CNTNAP5: variants seen among roughly 807,000 people sequenced by gnomAD.
CNTNAP5 encodes contactin-associated protein-like 5.
CNTNAP5 carries 72 observed loss-of-function variants against 150.2 expected under a neutral mutation model. The observed-to-expected ratio is 0.48, with a 90% CI of 0.40 to 0.58. The LOEUF is 0.58. Ranked by LOEUF, CNTNAP5 falls within the 20% of genes least tolerant of loss-of-function variation. CNTNAP5 has a pLI of 0.00. For missense variants in CNTNAP5, 1,636 were observed against 1,626.2 expected, an observed-to-expected ratio of 1.01 and a Z score of -0.10; for synonymous variants, 672 against 619.8, an observed-to-expected ratio of 1.08 and a Z score of -1.25.
intron 1 of CNTNAP5, among the ~76,000 whole-genome samples, chr2:124,196,404 C>T (rs1283464974): frequency 4.6e-5 from 7 of 152,128 alleles, no homozygotes; most frequent in Admixed American, 3.9e-4. Context: ...GGGTTAAATG[C>T]CCAATTTCAA....
At chr2:124,297,843 ATTAT>A (rs1203414122) in intron 3 of CNTNAP5, among the ~76,000 whole-genome samples, 1 of 113,684 alleles carries the variant, frequency 8.8e-6, no homozygotes, top group African/African-American at 3.2e-5. Flanking sequence ...TATTATTATT[ATTAT>A]TATTATTATT....
intron 19 of CNTNAP5, among the ~76,000 whole-genome samples, chr2:124,805,407 A>C (rs1446209505): frequency 1.3e-5 from 2 of 152,136 alleles, no homozygotes; most frequent in Non-Finnish European, 2.9e-5. Flanking sequence ...CTGCAGTGCT[A>C]GTCCTTGCAC....
At chr2:124,706,789 AAGAAGAAGGAGGAGGAGG>A (rs1679654911) in intron 13 of CNTNAP5, among the ~76,000 whole-genome samples, 1 of 31,002 alleles carries the variant, frequency 3.2e-5, no homozygotes, top group African/African-American at 1.1e-4. Context: ...GAAGAAGAAG[AAGAAGAAGGAGGAGGAGG>A]AGGAGGAGGA....
At chr2:124,247,957 A>G (rs1320456179) in intron 3 of CNTNAP5, among the ~76,000 whole-genome samples, 1 of 152,208 alleles carries the variant, frequency 6.6e-6, no homozygotes, top group Non-Finnish European at 1.5e-5. Flanking sequence ...TCACGCACAT[A>G]TACTAATAAG....
At chr2:124,430,308 G>A (rs897874546) in intron 4 of CNTNAP5, among the ~76,000 whole-genome samples, 2 of 152,096 alleles carry the variant, frequency 1.3e-5, no homozygotes, top group East Asian at 1.9e-4. Context: ...TCTTTGTGCC[G>A]TGTTTGTCTT....
intron 3 of CNTNAP5, among the ~76,000 whole-genome samples, chr2:124,350,000 T>C (rs12466478): frequency 0.3 from 43,977 of 147,424 alleles, 6,424 homozygotes; most frequent in Middle Eastern, 0.38. Flanking sequence ...TTCTCCTGCC[T>C]CAGCCTTCCA....
At chr2:124,490,880 T>A (rs939978271) in intron 7 of CNTNAP5, among the ~76,000 whole-genome samples, 1 of 152,152 alleles carries the variant, frequency 6.6e-6, no homozygotes, top group Non-Finnish European at 1.5e-5. Context: ...AAATTTTTTT[T>A]AAATACTGCT....
intron 19 of CNTNAP5, among the ~76,000 whole-genome samples, chr2:124,847,356 C>A (rs1439129419): frequency 1.3e-5 from 2 of 152,076 alleles, no homozygotes; most frequent in East Asian, 3.9e-4. Context: ...ATTATGGCTA[C>A]CTCTGCTGAA....
intron 6 of CNTNAP5, among the ~76,000 whole-genome samples, chr2:124,457,346 C>G (rs1424090328): frequency 1.3e-5 from 2 of 152,202 alleles, no homozygotes; most frequent in Non-Finnish European, 2.9e-5. Context: ...AAGGAACAGT[C>G]AGCAGAATAA....
At chr2:124,416,649 T>C (rs1027766486) in intron 3 of CNTNAP5, among the ~76,000 whole-genome samples, 6 of 152,202 alleles carry the variant, frequency 3.9e-5, no homozygotes, top group Non-Finnish European at 8.8e-5. Flanking sequence ...ATTTTTTTCC[T>C]TCCCTTTTTC....
chr2:124,515,118 G>A (rs1475611260), intron 8 of CNTNAP5, among the ~76,000 whole-genome samples: 1 of 152,196 alleles, frequency 6.6e-6, no homozygotes, highest in Non-Finnish European at 1.5e-5. Flanking sequence ...CTTGAAATAT[G>A]AGCCAGGCAT....
intron 4 of CNTNAP5, among the ~76,000 whole-genome samples, chr2:124,423,246 T>C (rs1417521970): frequency 6.6e-6 from 1 of 152,246 alleles, no homozygotes; most frequent in Non-Finnish European, 1.5e-5. Context: ...CTTTGCATAA[T>C]GTAAGCACCC....
intron 19 of CNTNAP5, among the ~76,000 whole-genome samples, chr2:124,838,397 T>G (rs1682874129): frequency 6.6e-6 from 1 of 152,130 alleles, no homozygotes; most frequent in Non-Finnish European, 1.5e-5. Flanking sequence ...AAAAAACATG[T>G]TGATGGGCAC....
chr2:124,046,708 A>G (rs146533337), intron 1 of CNTNAP5, among the ~76,000 whole-genome samples: 6 of 152,122 alleles, frequency 3.9e-5, no homozygotes, highest in African/African-American at 1.4e-4. Flanking sequence ...ATTTTCGTAC[A>G]AGAAAAGAAG....
At chr2:124,128,416 T>C (rs187872394) in intron 1 of CNTNAP5, among the ~76,000 whole-genome samples, 186 of 152,164 alleles carry the variant, frequency 1.2e-3, no homozygotes, top group African/African-American at 4.2e-3. Flanking sequence ...GAAAGAACAA[T>C]GCTGGAGAGG....
chr2:124,611,057 C>T (rs2104985709), intron 12 of CNTNAP5, among the ~76,000 whole-genome samples: 1 of 118,674 alleles, frequency 8.4e-6, no homozygotes, highest in Middle Eastern at 4.7e-3. Context: ...AAGCACTGGT[C>T]TTCAGAGATG....
intron 2 of CNTNAP5, among the ~76,000 whole-genome samples, chr2:124,240,300 C>T (rs1686852529): frequency 1.3e-5 from 2 of 152,134 alleles, no homozygotes; most frequent in Non-Finnish European, 2.9e-5. Flanking sequence ...TACTGTGATT[C>T]TGCCATCATC....
chr2:124,533,935 G>A (rs1286602080), intron 10 of CNTNAP5, among the ~76,000 whole-genome samples: 1 of 152,164 alleles, frequency 6.6e-6, no homozygotes, highest in Admixed American at 6.5e-5. Context: ...TTCACAGCCT[G>A]CGGGTGGTGG....
chr2:124,109,725 C>A (rs1683252865), intron 1 of CNTNAP5, among the ~76,000 whole-genome samples: 1 of 137,542 alleles, frequency 7.3e-6, no homozygotes, highest in African/African-American at 2.5e-5. Context: ...ACCTTGGTAG[C>A]CCCTTGCCTG....
Sources: allele counts gnomAD v4.1 joint callset (sites outside exome capture counted in the v4.1 genomes callset), GRCh38; gene constraint gnomAD v4.1.1; transcripts MANE v1.5; gene names NCBI Gene and HGNC (gene_info 2026-07-23, HGNC 2026-07-21).